The following FER variants were observed in gnomAD, a reference collection of about 807,000 sequenced individuals.
FER encodes FER tyrosine kinase, also known as tyrosine-protein kinase Fer.
A neutral mutation model predicts 111.0 loss-of-function variants in FER; 63 were observed. The ratio of observed to expected loss-of-function variants is 0.57; its 90% CI spans 0.46 to 0.70. FER has a LOEUF of 0.70. FER is among the 30% of genes least tolerant of loss of function. The pLI is 0.00. For missense variants in FER, 914 were observed against 954.0 expected (o/e 0.96, Z 0.55); for synonymous variants, 327 against 313.9 (o/e 1.04, Z -0.44).
At chr5:108,831,708 GAATTT>G (rs1760063839) in intron 3 of FER, among the ~76,000 whole-genome samples, 1 of 152,092 alleles carries the variant, frequency 6.6e-6, no homozygotes, top group South Asian at 2.1e-4. Context: ...TTATGACTAA[GAATTT>G]GCTTTCTTTA....
At chr5:108,924,570 CTT>C in intron 10 of FER, 3 of 1,225,362 alleles carry the variant, frequency 2.4e-6, no homozygotes, top group Non-Finnish European at 3.1e-6. Context: ...TTGCACCTCT[CTT>C]CTATCTTGCT....
intron 5 of FER, among the ~76,000 whole-genome samples, chr5:108,856,217 G>C (rs1292490892): frequency 1.3e-5 from 2 of 152,126 alleles, no homozygotes; most frequent in African/African-American, 4.8e-5. Flanking sequence ...AAAGCTTATG[G>C]AAGTTCTCTT....
chr5:109,095,980 T>C (rs1280620600), intron 16 of FER, among the ~76,000 whole-genome samples: 1 of 152,088 alleles, frequency 6.6e-6, no homozygotes, highest in Non-Finnish European at 1.5e-5. Flanking sequence ...TTGTTGAAGA[T>C]AAATTAAGAT....
At chr5:109,038,424 C>T (rs1422357986) in intron 14 of FER, among the ~76,000 whole-genome samples, 6 of 151,830 alleles carry the variant, frequency 4.0e-5, no homozygotes, top group African/African-American at 1.2e-4. Context: ...CAAATGTAAA[C>T]TTGATGAATT....
At chr5:108,797,828 G>A (rs915765906) in intron 2 of FER, among the ~76,000 whole-genome samples, 1 of 152,154 alleles carries the variant, frequency 6.6e-6, no homozygotes, top group African/African-American at 2.4e-5. Flanking sequence ...GCATTACATA[G>A]GATTTTCTTC....
At chr5:109,026,252 T>C (rs1466291279) in intron 13 of FER, among the ~76,000 whole-genome samples, 2 of 152,200 alleles carry the variant, frequency 1.3e-5, no homozygotes, top group Non-Finnish European at 2.9e-5. Context: ...CTTGCAAATA[T>C]AATGAAATAT....
Position 108,884,519 on chromosome 5 carries a change from TTTTG to T in FER, c.1046+1017_1046+1020del, listed in dbSNP as rs971472310. Among the ~76,000 whole-genome samples the T allele has an allele frequency of 1.6e-3, 238 of 151,858 alleles. 2 individuals carry two copies. The highest frequency in any genetic ancestry group is 5.2e-3 in the African/African-American group (216 of 41,432). The stretch of plus-strand genomic sequence containing the variant: ...GTTCATTTCTTATGCCTGGTTTTTT[TTTTG>T]TTTGTTTGTTTGTTTTTGTATTTTC... On this transcript the variant is annotated intron_variant, in intron 9 of 19. Transcript: ENST00000281092.
At chr5:109,059,442 C>T (rs541678719) in intron 16 of FER, among the ~76,000 whole-genome samples, 4 of 151,884 alleles carry the variant, frequency 2.6e-5, no homozygotes, top group Non-Finnish European at 4.4e-5. Context: ...GCAGGAGAAT[C>T]GCTTGAACCC....
At chr5:108,907,483 C>T (rs534016956) in intron 10 of FER, among the ~76,000 whole-genome samples, 39 of 151,920 alleles carry the variant, frequency 2.6e-4, no homozygotes, top group African/African-American at 9.2e-4. Flanking sequence ...TTGATAGAGA[C>T]GGGGTTTTAT....
chr5:108,801,201 T>C (rs1459547573), intron 3 of FER, among the ~76,000 whole-genome samples: 1 of 152,260 alleles, frequency 6.6e-6, no homozygotes, highest in Non-Finnish European at 1.5e-5. Context: ...GTTCATATTT[T>C]TATCTTTTTT....
intron 17 of FER, among the ~76,000 whole-genome samples, chr5:109,101,552 A>G (rs570023929): frequency 4.6e-5 from 7 of 152,182 alleles, no homozygotes; most frequent in African/African-American, 1.7e-4. Flanking sequence ...GTTCAGCTTT[A>G]TTCTGAAACT....
chr5:109,102,243 C>T (rs1248342445), intron 17 of FER, among the ~76,000 whole-genome samples: 1 of 152,068 alleles, frequency 6.6e-6, no homozygotes. Context: ...CATGCCTTCA[C>T]AAATTTTTGA....
chr5:108,964,214 A>G (rs988477611), intron 13 of FER, among the ~76,000 whole-genome samples: 3 of 152,170 alleles, frequency 2.0e-5, no homozygotes, highest in African/African-American at 7.2e-5. Context: ...GAAGTAGGGT[A>G]AGGAGATAAT....
At chr5:108,773,063 G>A (rs1437799781) in intron 2 of FER, among the ~76,000 whole-genome samples, 4 of 152,118 alleles carry the variant, frequency 2.6e-5, no homozygotes, top group Non-Finnish European at 5.9e-5. Flanking sequence ...TTCTTTCCGT[G>A]CTTTTGCGTT....
At chr5:108,798,019 GTTT>G in intron 2 of FER, 102 bp from the exon 3 acceptor site, 11 of 408,358 alleles carry the variant, frequency 2.7e-5, no homozygotes, top group East Asian at 8.5e-5. Flanking sequence ...ATTCAGTTGT[GTTT>G]TTTTTTTTTA....
chr5:109,045,990 G>A (rs1337160557), intron 15 of FER, among the ~76,000 whole-genome samples: 1 of 152,006 alleles, frequency 6.6e-6, no homozygotes, highest in Non-Finnish European at 1.5e-5. Context: ...TTTTTTACGT[G>A]CTATCCTGCA....
At chr5:109,179,274 G>A (rs371517145) in intron 17 of FER, among the ~76,000 whole-genome samples, 16 of 152,284 alleles carry the variant, frequency 1.1e-4, no homozygotes, top group Middle Eastern at 3.4e-3. Flanking sequence ...AGGTATCCTT[G>A]CTTTGACCTC....
intron 13 of FER, among the ~76,000 whole-genome samples, chr5:109,002,507 A>C (rs1764921999): frequency 3.3e-5 from 5 of 152,028 alleles, no homozygotes; most frequent in Admixed American, 6.6e-5. Flanking sequence ...TTAGACCTAA[A>C]ACCATAAAAA....
intron 8 of FER, among the ~76,000 whole-genome samples, chr5:108,873,951 G>C (rs1018076146): frequency 6.6e-5 from 10 of 152,174 alleles, no homozygotes; most frequent in Non-Finnish European, 1.2e-4. Flanking sequence ...CCTGTGCAGT[G>C]AGACATTCCA....
Sources: allele counts gnomAD v4.1 joint callset (sites outside exome capture counted in the v4.1 genomes callset), GRCh38; gene constraint gnomAD v4.1.1; transcripts MANE v1.5; gene names NCBI Gene and HGNC (gene_info 2026-07-23, HGNC 2026-07-21).